Variants in NRXN2 observed in about 807,000 individuals in gnomAD.
NRXN2 encodes neurexin-2-beta.
NRXN2 carries 29 observed loss-of-function variants against 128.8 expected under a neutral mutation model. That is an observed-to-expected ratio of 0.23 (90% CI 0.17 to 0.31). NRXN2 has a LOEUF of 0.31. Ranked by LOEUF, NRXN2 falls within the 10% of genes least tolerant of loss-of-function variation. The pLI, the probability that NRXN2 is intolerant of heterozygous loss-of-function variation, is 1.00. For synonymous variants in NRXN2, 1,098 were observed against 1,075.2 expected, an observed-to-expected ratio of 1.02 and a Z score of -0.41; for missense variants, 1,881 against 2,452.6, an observed-to-expected ratio of 0.77 and a Z score of 4.92.
chr11:64,715,048 G>A (rs146571205), intron 1 of NRXN2, among the ~76,000 whole-genome samples: 3 of 152,220 alleles, frequency 2.0e-5, no homozygotes, highest in Non-Finnish European at 4.4e-5. Context: ...AAGGAAGAGG[G>A]GAGAGAAAGA....
chr11:64,704,324 G>T (rs1565457421), intron 2 of NRXN2, among the ~76,000 whole-genome samples: 1 of 152,044 alleles, frequency 6.6e-6, no homozygotes, highest in Admixed American at 6.5e-5. Context: ...GAAAAGAAAA[G>T]ACTCTAAACA....
At chr11:64,658,793 G>A (rs565880036) in intron 11 of NRXN2, among the ~76,000 whole-genome samples, 6 of 152,296 alleles carry the variant, frequency 3.9e-5, no homozygotes, top group South Asian at 2.1e-4. Context: ...TTGGGAGGCC[G>A]AGGCGGGTGG....
At chr11:64,686,033 C>T in intron 5 of NRXN2, 86 bp from the exon 6 acceptor site, 1 of 1,484,526 alleles carries the variant, frequency 6.7e-7, no homozygotes, top group African/African-American at 1.4e-5. Flanking sequence ...GCAACGCAGG[C>T]ACTGGTCCTG....
At position 64,623,307 on chromosome 11, in the gene NRXN2, C is replaced by A; in HGVS notation, c.3848-229G>T. 1 of 678,854 alleles carries A rather than the reference C, an allele frequency of 1.5e-6. No homozygotes were observed. The highest frequency in any genetic ancestry group is 2.8e-5 in the East Asian group (1 of 35,860). The allele number at this position is 678,854 out of a possible 1,614,324, so 42.1% of individuals were successfully genotyped here. A position where few individuals can be genotyped will look rare whatever the true frequency, so the allele number is the denominator to read the frequency against. ...GTGGGGACCCCAGAAGGGGAGGGCA[C>A]CCAGGGTACACATGGGCTGGGGAAG... is the stretch of plus-strand genomic sequence containing the variant. On this transcript the variant is annotated intron_variant, in intron 20 of 22. Transcript: ENST00000265459. This position sits in a 1 kb window ranked among gnomAD's most constrained non-coding sequence, Gnocchi z 4.9.
Position 64,690,392 on chromosome 11 carries a change from G to A in NRXN2, c.850+13C>T, listed in dbSNP as rs1249967532. On this transcript the variant is annotated intron_variant, in intron 5 of 22. Transcript: ENST00000265459. ...GAGGGCTGGGCTCTCTGGGGACCATGGGGGTCACTGACCTTTTGTTGGCTG... is the reference window on the plus strand; with the variant it reads ...GAGGGCTGGGCTCTCTGGGGACCATAGGGGTCACTGACCTTTTGTTGGCTG... The A allele has an allele frequency of 2.5e-6, 4 of 1,610,020 alleles. No individual in the cohort carries two copies. The South Asian group carries it at 4.4e-5, about 18-fold the overall frequency.
At chr11:64,659,503 T>C (rs894575389) in intron 11 of NRXN2, 1 of 152,290 alleles carries the variant, frequency 6.6e-6, no homozygotes, top group Admixed American at 6.5e-5. Flanking sequence ...ACCCTGGGCA[T>C]GGGTGGAGAC....
At chr11:64,699,425 C>CTTT (rs67776872) in intron 2 of NRXN2, among the ~76,000 whole-genome samples, 65,321 of 91,902 alleles carry the variant, frequency 0.71, 25,021 homozygotes, top group Middle Eastern at 0.86. Context: ...TAATAGTTTT[C>CTTT]TTTTTTTTTT....
At position 64,631,740 on chromosome 11, in the gene NRXN2, G is replaced by A. The variant is rs188210475; in HGVS notation, c.3586-1167C>T. Among the ~76,000 whole-genome samples the A allele has an allele frequency of 2.1e-4, 32 of 152,206 alleles. No homozygotes were observed. Among genetic ancestry groups the A allele is most frequent in the African/African-American group, 7.2e-4 (30 of 41,500 alleles). On this transcript the variant is annotated intron_variant, in intron 18 of 22. Transcript: ENST00000265459. This position sits in a 1 kb window ranked among gnomAD's most constrained non-coding sequence, Gnocchi z 4.8. ...AGGAAGACCCTGACTCAAGGAGGTG[G>A]GGGTGTGGGATGATCCAAGAGGCTG...
chr11:64,713,583 A>G lies in NRXN2; in HGVS notation c.117T>C (p.Ala39=). The change falls in exon 2 of 23, where the codon GCT becomes GCC. Residue 39 remains alanine, a synonymous_variant. Coordinates refer to ENST00000265459, the MANE Select transcript of NRXN2 (RefSeq NM_015080.4). ...CCGCGCCCGCCCAGCGCGCGTAGCG[A>G]GCCCACTGCCCGGGGCCGCCGCCGA... The part of the protein sequence containing the change: ...LEFGGGPGQW[A]RYARWAGAAS... 1 of 1,381,018 alleles carries G rather than the reference A, an allele frequency of 7.2e-7. No homozygotes were observed. The highest frequency in any genetic ancestry group is 9.4e-7 in the Non-Finnish European group (1 of 1,066,446). The allele number at this position is 1,381,018 out of a possible 1,614,324, so 85.5% of individuals were successfully genotyped here.
At position 64,692,880 on chromosome 11, in the gene NRXN2, G is replaced by T; in HGVS notation, c.749-4C>A. 6.2e-7 allele frequency: 1 copy of T among 1,611,638 alleles called. No homozygotes were observed. The highest frequency in any genetic ancestry group is 1.1e-5 in the South Asian group (1 of 90,964). ...TTTAACGTCAGGTGAGCCGGACCTT[G>T]GAAAGGGGAAGGAGAGAAAGAAAGA... is the stretch of plus-strand genomic sequence containing the variant. On this transcript the variant is annotated splice_region_variant and splice_polypyrimidine_tract_variant and intron_variant, in intron 3 of 22. Coordinates refer to ENST00000265459, the MANE Select transcript of NRXN2 (RefSeq NM_015080.4).
At chr11:64,719,860 G>A (rs1307661070) in intron 1 of NRXN2, among the ~76,000 whole-genome samples, 3 of 152,196 alleles carry the variant, frequency 2.0e-5, no homozygotes, top group Non-Finnish European at 2.9e-5. Flanking sequence ...TGACAGGTGT[G>A]TGCGCGTGTG....
Position 64,713,467 on chromosome 11 carries a change from A to T in NRXN2, c.233T>A (p.Leu78Gln). ...YLDDGGDCDF[L>Q]ELLLVDGRLR... is the part of the protein sequence containing the mutation. Reference sequence around the variant, plus strand: ...GCGGCCGTCCACCAGCAGCAGCTCCAGGAAGTCGCAGTCGCCGCCGTCGTC... The same window carrying T: ...GCGGCCGTCCACCAGCAGCAGCTCCTGGAAGTCGCAGTCGCCGCCGTCGTC... The change falls in exon 2 of 23, where the codon CTG becomes CAG. Residue 78 changes from leucine to glutamine, a missense_variant. Leu to Gln is a moderately radical substitution (Grantham distance 113). Transcript: ENST00000265459. The T allele has an allele frequency of 6.5e-7, 1 of 1,531,868 alleles. No individual in the cohort carries two copies. The highest frequency in any genetic ancestry group is 2.5e-5 in the East Asian group (1 of 39,348). The allele number at this position is 1,531,868 out of a possible 1,614,324, so 94.9% of individuals were successfully genotyped here. A position where few individuals can be genotyped will look rare whatever the true frequency, so the allele number is the denominator to read the frequency against.
Position 64,622,813 on chromosome 11 carries a change from G to A in NRXN2, c.4113C>T (p.Thr1371=), listed in dbSNP as rs200445596. Residue 1371 remains threonine (T), a synonymous_variant, in exon 21 of 23, where the codon ACC becomes ACT. Transcript: ENST00000265459. The surrounding 1 kb of genome is among the most constrained non-coding windows in gnomAD (Gnocchi z 4.3). ...MATTIMETTT[T]MATTTTRRGR... ...CCCGGCGCGTGGTGGTAGTGGCCATGGTGGTGGTAGTCTCCATGATGGTGG... is the reference window on the plus strand; with the variant it reads ...CCCGGCGCGTGGTGGTAGTGGCCATAGTGGTGGTAGTCTCCATGATGGTGG... 1.2e-6 allele frequency: 2 copies of A among 1,612,820 alleles called. No homozygotes were observed. Among genetic ancestry groups the A allele is most frequent in the East Asian group, 2.2e-5 (1 of 44,870 alleles).
At position 64,685,538 on chromosome 11, in the gene NRXN2, A is replaced by G; in HGVS notation, c.1152+108T>C. 4.2e-6 allele frequency: 6 copies of G among 1,437,198 alleles called. No homozygotes were observed. The South Asian group carries it at 6.9e-5, about 17-fold the overall frequency. 89.0% of individuals were successfully genotyped at this position (1,437,198 alleles called of 1,614,324 possible). On this transcript the variant is annotated intron_variant, in intron 6 of 22. Coordinates refer to ENST00000265459, the MANE Select transcript of NRXN2 (RefSeq NM_015080.4). ...CTGTTCTTCTCCAGAACCACACCTCACTGCCCAGCCCTGATCCCTCCACCA... is the reference window on the plus strand; with the variant it reads ...CTGTTCTTCTCCAGAACCACACCTCGCTGCCCAGCCCTGATCCCTCCACCA...
At chr11:64,685,472 G>C (rs1252304626) in intron 6 of NRXN2, among the ~76,000 whole-genome samples, 174 bp downstream of exon 6, 1 of 152,108 alleles carries the variant, frequency 6.6e-6, no homozygotes, top group Admixed American at 6.5e-5. Flanking sequence ...AAGCCTGCCA[G>C]CCACTGCAGC....
chr11:64,632,264 C>CATGCATGCACGCTAACACACAG lies in NRXN2; in HGVS notation c.3586-1713_3586-1692dup, dbSNP rs1255814293. Among the ~76,000 whole-genome samples, 10 of 152,190 alleles carry CATGCATGCACGCTAACACACAG rather than the reference C, an allele frequency of 6.6e-5. No homozygotes were observed. The highest frequency in any genetic ancestry group is 2.4e-4 in the African/African-American group (10 of 41,436). ...CCTGGGAAAACCACATACATATATG[C>CATGCATGCACGCTAACACACAG]ATGCATGCACGCTAACACACAGATG... is the stretch of plus-strand genomic sequence containing the variant. On this transcript the variant is annotated intron_variant, in intron 18 of 22. Transcript: ENST00000265459. The surrounding 1 kb of genome is among the most constrained non-coding windows in gnomAD (Gnocchi z 4.2).
At chr11:64,687,321 G>A (rs575813080) in intron 5 of NRXN2, among the ~76,000 whole-genome samples, 2 of 152,164 alleles carry the variant, frequency 1.3e-5, no homozygotes, top group Admixed American at 1.3e-4. Flanking sequence ...GGCGGGGGGG[G>A]AGTTTCGGAG....
chr11:64,712,895 A>C, intron 2 of NRXN2, 75 bp downstream of exon 2: 1 of 1,318,302 alleles, frequency 7.6e-7, no homozygotes, highest in Non-Finnish European at 1.0e-6. Flanking sequence ...GCCCACACAC[A>C]CTCCGACCCC....
intron 5 of NRXN2, among the ~76,000 whole-genome samples, chr11:64,686,153 T>G (rs1265863128): frequency 3.9e-5 from 6 of 152,046 alleles, no homozygotes; most frequent in Non-Finnish European, 8.8e-5. Flanking sequence ...AAAGTCAATG[T>G]CCCCTGTGTC....
Sources: gnomAD v4.1 joint callset for allele counts (sites outside exome capture counted in the v4.1 genomes callset) on GRCh38, gnomAD v4.1.1 for gene constraint, Gnocchi (gnomAD v3.1) non-coding constraint, MANE v1.5 for transcripts, NCBI Gene and HGNC (gene_info 2026-07-23, HGNC 2026-07-21) for gene names.